Variants in SND1 observed in about 807,000 individuals in gnomAD.
The protein encoded by SND1 is staphylococcal nuclease domain-containing protein 1.
SND1 carries 38 observed loss-of-function variants against 121.7 expected under a neutral mutation model. The ratio of observed to expected loss-of-function variants is 0.31; its 90% CI spans 0.24 to 0.41. SND1 has a LOEUF of 0.41. Among genes scored for constraint, SND1 ranks in the 10% least tolerant of loss-of-function variants. The pLI is 1.00. For missense variants in SND1, 868 were observed against 1,184.6 expected (o/e 0.73, Z 3.92); for synonymous variants, 401 against 447.4 (o/e 0.90, Z 1.31).
intron 17 of SND1, among the ~76,000 whole-genome samples, chr7:128,075,183 G>A (rs986334847): frequency 4.2e-5 from 6 of 143,688 alleles, no homozygotes; most frequent in Admixed American, 7.1e-5. Context: ...TGTGGGCACC[G>A]CATTGAAGAG....
At chr7:127,899,317 A>C (rs1268091697) in intron 13 of SND1, among the ~76,000 whole-genome samples, 1 of 151,998 alleles carries the variant, frequency 6.6e-6, no homozygotes, top group African/African-American at 2.4e-5. Flanking sequence ...TACCATTTCA[A>C]AGGAGTTCAC....
At chr7:127,883,578 A>C (rs73232947) in intron 12 of SND1, among the ~76,000 whole-genome samples, 4,760 of 152,244 alleles carry the variant, frequency 0.031, 96 homozygotes, top group Non-Finnish European at 0.045. Context: ...TTTATCTTGC[A>C]TTTTCTATGA....
chr7:128,037,652 G>T (rs1374282030), intron 16 of SND1, among the ~76,000 whole-genome samples: 2 of 152,148 alleles, frequency 1.3e-5, no homozygotes, highest in African/African-American at 4.8e-5. Context: ...ACCAGCAGGT[G>T]ACTCTTCCCT....
At chr7:128,068,522 C>T (rs897822637) in intron 16 of SND1, among the ~76,000 whole-genome samples, 7 of 152,160 alleles carry the variant, frequency 4.6e-5, no homozygotes, top group Non-Finnish European at 7.3e-5. Flanking sequence ...CTGACAGAAT[C>T]CAGACAATGG....
intron 12 of SND1, among the ~76,000 whole-genome samples, chr7:127,869,406 A>G (rs1178147792): frequency 6.6e-6 from 1 of 152,192 alleles, no homozygotes; most frequent in Non-Finnish European, 1.5e-5. Flanking sequence ...AGTTTGGAGT[A>G]GAGGGATGGT....
At position 127,959,200 on chromosome 7, in the gene SND1, C is replaced by T. The variant is rs192034396; in HGVS notation, c.1669+29871C>T. Among the ~76,000 whole-genome samples the T allele has an allele frequency of 6.6e-4, 100 of 152,264 alleles. 1 individual carries two copies. The highest frequency in any genetic ancestry group is 8.2e-4 in the Non-Finnish European group (56 of 68,026). ...TCTATGTCTTTACTCTGTGAGGAAA[C>T]GGGATAAACAATAGCTAGACGTCCG... On this transcript the variant is annotated intron_variant, in intron 15 of 23. Transcript: ENST00000354725.
chr7:127,731,493 C>T (rs1562993914), intron 10 of SND1, among the ~76,000 whole-genome samples: 1 of 152,204 alleles, frequency 6.6e-6, no homozygotes. Context: ...CTGCTTGAGC[C>T]AGGCTCTGTC....
chr7:127,741,068 G>C (rs1796873700), intron 10 of SND1, among the ~76,000 whole-genome samples: 1 of 152,136 alleles, frequency 6.6e-6, no homozygotes, highest in South Asian at 2.1e-4. Flanking sequence ...TGTCTCCTCT[G>C]GAAGTAGGGA....
intron 2 of SND1, among the ~76,000 whole-genome samples, chr7:127,693,086 G>A (rs1309200186): frequency 6.6e-6 from 1 of 152,144 alleles, no homozygotes; most frequent in East Asian, 1.9e-4. Context: ...TTAATACTCA[G>A]GACTACATCT....
intron 15 of SND1, among the ~76,000 whole-genome samples, chr7:127,969,305 G>A (rs900576597): frequency 6.6e-6 from 1 of 152,152 alleles, no homozygotes; most frequent in African/African-American, 2.4e-5. Flanking sequence ...CCCGCTTTCT[G>A]TCCCCTCAAA....
intron 10 of SND1, among the ~76,000 whole-genome samples, chr7:127,724,375 T>C (rs958088933): frequency 6.6e-6 from 1 of 152,178 alleles, no homozygotes; most frequent in African/African-American, 2.4e-5. Flanking sequence ...ATGACAAGAA[T>C]GAGTTTTGGG....
intron 10 of SND1, among the ~76,000 whole-genome samples, chr7:127,727,030 T>C (rs575372341): frequency 3.9e-5 from 6 of 152,348 alleles, no homozygotes; most frequent in South Asian, 4.1e-4. Flanking sequence ...CACCCCCTGC[T>C]ACCAGCCTCT....
chr7:128,023,365 G>T (rs922034375), intron 16 of SND1, among the ~76,000 whole-genome samples: 1 of 152,140 alleles, frequency 6.6e-6, no homozygotes, highest in Admixed American at 6.5e-5. Flanking sequence ...TGAGTAATAA[G>T]GCTATGACTG....
intron 1 of SND1, among the ~76,000 whole-genome samples, chr7:127,654,885 C>A (rs1795185480): frequency 6.6e-6 from 1 of 152,214 alleles, no homozygotes; most frequent in African/African-American, 2.4e-5. Context: ...TGGCAAATTG[C>A]TGTGTGTGAA....
chr7:127,851,064 T>G (rs546823683), intron 12 of SND1, among the ~76,000 whole-genome samples: 1 of 152,338 alleles, frequency 6.6e-6, no homozygotes, highest in South Asian at 2.1e-4. Flanking sequence ...CAAGTCTTAT[T>G]TCCTTAAAAA....
At chr7:127,804,689 T>C (rs1798199758) in intron 10 of SND1, among the ~76,000 whole-genome samples, 1 of 151,846 alleles carries the variant, frequency 6.6e-6, no homozygotes, top group Admixed American at 6.6e-5. Flanking sequence ...GAGGACTGCC[T>C]GAAGCCAGGA....
At chr7:127,922,052 G>A (rs775932546) in intron 14 of SND1, among the ~76,000 whole-genome samples, 3 of 151,698 alleles carry the variant, frequency 2.0e-5, no homozygotes, top group African/African-American at 2.4e-5. Flanking sequence ...GCAGTGGTGC[G>A]CCATCACTGC....
chr7:127,824,648 A>C (rs1261762898), intron 11 of SND1, among the ~76,000 whole-genome samples: 6 of 152,242 alleles, frequency 3.9e-5, no homozygotes, highest in African/African-American at 1.4e-4. Flanking sequence ...AGTGCTAAAA[A>C]AAAGATGGAG....
intron 12 of SND1, among the ~76,000 whole-genome samples, chr7:127,869,827 A>G (rs920135729): frequency 6.6e-6 from 1 of 152,124 alleles, no homozygotes; most frequent in African/African-American, 2.4e-5. Flanking sequence ...TTCCCTTCCC[A>G]TCATCCCTCT....
Sources: allele counts gnomAD v4.1 joint callset (sites outside exome capture counted in the v4.1 genomes callset), GRCh38; gene constraint gnomAD v4.1.1; transcripts MANE v1.5; gene names NCBI Gene and HGNC (gene_info 2026-07-23, HGNC 2026-07-21).